Variants in UMOD observed in about 807,000 individuals in gnomAD.
The protein encoded by UMOD is uromodulin, also known as Tamm-Horsfall urinary glycoprotein.
In UMOD, 64 loss-of-function variants were observed where a neutral mutation model predicts 66.0. That is an observed-to-expected ratio of 0.97 (90% confidence interval 0.79 to 1.19). The LOEUF is 1.19. Ranked by LOEUF, UMOD falls within the 50% of genes most tolerant of loss-of-function variation. The probability of loss-of-function intolerance (pLI) is 0.00; values close to 1 mark genes in which losing one functional copy is unlikely to be tolerated. For synonymous variants in UMOD, 398 were observed against 352.7 expected, an observed-to-expected ratio of 1.13 and a Z score of -1.44; for missense variants, 764 against 850.9, an observed-to-expected ratio of 0.90 and a Z score of 1.27.
chr16:20,351,781 G>A (rs1965906202), intron 1 of UMOD, among the ~76,000 whole-genome samples: 1 of 152,074 alleles, frequency 6.6e-6, no homozygotes, highest in South Asian at 2.1e-4. Context: ...AACACTTTGG[G>A]AGACTGAGGG....
chr16:20,334,026 C>T (rs536305919), intron 10 of UMOD, among the ~76,000 whole-genome samples: 1 of 121,906 alleles, frequency 8.2e-6, no homozygotes, highest in East Asian at 3.2e-4. Context: ...AGAGCAGATT[C>T]CATCTCAAAA....
chr16:20,352,985 T>C, upstream of UMOD: 1 of 355,234 alleles, frequency 2.8e-6, no homozygotes, highest in Non-Finnish European at 5.0e-6. Flanking sequence ...AGCAAGAGAT[T>C]CCATAGTTAG....
chr16:20,342,524 A>G (rs1965288574), intron 6 of UMOD: 1 of 152,228 alleles, frequency 6.6e-6, no homozygotes, highest in African/African-American at 2.4e-5. Context: ...GTGCACCCTC[A>G]TCAGTGCCCA....
rs1186875181 is a variant in UMOD, at chr16:20,341,009, AG to A, written c.1577+81del. 1,776 of 1,347,366 alleles carry A rather than the reference AG, an allele frequency of 1.3e-3. 4 individuals carry two copies. Among genetic ancestry groups the A allele is most frequent in the South Asian group, 0.012 (885 of 73,342 alleles). The allele number at this position is 1,347,366 out of a possible 1,614,324, so 83.5% of individuals were successfully genotyped here. ...ACTCTGTCAAAAAAAAAAAAAAAAA[AG>A]ATGCAATTTTCCTCCATCCAAGTCC... On this transcript the variant is annotated intron_variant, in intron 7 of 10. Coordinates refer to ENST00000396138, the MANE Select transcript of UMOD (RefSeq NM_003361.4).
intron 10 of UMOD, among the ~76,000 whole-genome samples, chr16:20,333,655 G>A (rs1289316543): frequency 6.6e-6 from 1 of 152,192 alleles, no homozygotes; most frequent in Non-Finnish European, 1.5e-5. Context: ...GACCTTGGGG[G>A]ATAGTCACAG....
At chr16:20,342,479 C>T (rs1352444463) in intron 6 of UMOD, 1 of 152,336 alleles carries the variant, frequency 6.6e-6, no homozygotes, top group Non-Finnish European at 1.5e-5. Context: ...CAGCCAACAG[C>T]TTGCAATGAG....
In UMOD at chr16:20,348,323, G is replaced by T; in HGVS notation, c.873C>A (p.Ser291Arg). 1.9e-6 allele frequency: 3 copies of T among 1,614,212 alleles called. No homozygotes were observed. Among genetic ancestry groups the T allele is most frequent in the Non-Finnish European group, 2.5e-6 (3 of 1,180,048 alleles). The change falls in exon 4 of 11, where the codon AGC (serine) becomes AGA (arginine). Residue 291 changes from serine (S) to arginine (R), a missense_variant. Ser to Arg is a moderately radical substitution (Grantham distance 110). Transcript: ENST00000396138. ...ECHLAYCTDPSSVEGTCEECS... is the reference protein window; with the variant it reads ...ECHLAYCTDPRSVEGTCEECS... ...ACTCCTCACACGTCCCCTCCACGGA[G>T]CTGGGGTCTGCAGGGTCACAGGGAC...
At position 20,348,277 on chromosome 16, in the gene UMOD, T is replaced by A. The variant is rs749163430; in HGVS notation, c.919A>T (p.Lys307Ter). ...CAGTGCCATCTGCCATTATTCGATT[T>A]GCAGTCCTCGTCTATACTGCACTCC... ...CEECSIDEDC[K>*]SNNGRWHCQC... The change falls in exon 4 of 11, where the codon AAA becomes TAA. Residue 307 changes from lysine (K) to a stop codon, truncating the protein, a stop_gained. Transcript: ENST00000396138. LOFTEE classifies it high-confidence loss of function. 1 of 1,614,230 alleles carries A rather than the reference T, an allele frequency of 6.2e-7. No individual in the cohort carries two copies. Among genetic ancestry groups the A allele is most frequent in the South Asian group, 1.1e-5 (1 of 91,082 alleles).
intron 9 of UMOD, 117 bp from the exon 10 acceptor site, chr16:20,335,637 C>T: frequency 1.0e-6 from 1 of 995,956 alleles, no homozygotes; most frequent in South Asian, 1.4e-5. Flanking sequence ...CTCTTCAAAA[C>T]CCAAATCTGA....
chr16:20,337,345 G>C lies in UMOD; in HGVS notation c.1686C>G (p.Val562=), dbSNP rs1248924317. The change falls in exon 8 of 11, where the codon GTC becomes GTG. Residue 562 remains valine, a synonymous_variant. Transcript: ENST00000396138. ...MFRFAGNYDL[V]YLHCEVYLCD... The stretch of plus-strand genomic sequence containing the variant: ...AGAGATAGACTTCACAGTGCAGGTA[G>C]ACTAGGTCATAGTTTCCAGCAAACC... 1.2e-6 allele frequency: 2 copies of C among 1,614,104 alleles called. No individual in the cohort carries two copies. Among genetic ancestry groups the C allele is most frequent in the African/African-American group, 2.7e-5 (2 of 74,926 alleles).
At position 20,333,184 on chromosome 16, in the gene UMOD, G is replaced by A. The variant is rs113468667; in HGVS notation, c.*130C>T. ...GTTTCTCGACAGCCAGGATTAAAAG[G>A]GAGAAAAGAAGGCAGGCTGAACAAA... On this transcript the variant is annotated 3_prime_UTR_variant, in exon 11 of 11. Coordinates refer to ENST00000396138, the MANE Select transcript of UMOD (RefSeq NM_003361.4). 3.7e-3 allele frequency: 3,555 copies of A among 953,644 alleles called. 84 individuals carry two copies. The African/African-American group carries it at 0.051, about 14-fold the overall frequency. 59.1% of individuals were successfully genotyped at this position (953,644 alleles called of 1,614,324 possible). A position where few individuals can be genotyped will look rare whatever the true frequency, so the allele number is the denominator to read the frequency against.
At chr16:20,351,427 G>T (rs569708681) in intron 1 of UMOD, 188 of 161,006 alleles carry the variant, frequency 1.2e-3, no homozygotes, top group Middle Eastern at 6.6e-3. Context: ...GTCCAGGGTG[G>T]ATGCCAGTAT....
chr16:20,348,375 C>G, intron 3 of UMOD, 45 bp from the exon 4 acceptor site: 1 of 1,613,704 alleles, frequency 6.2e-7, no homozygotes, highest in Non-Finnish European at 8.5e-7. Context: ...AGGACGCACC[C>G]CCGTCCTCTG....
Position 20,337,313 on chromosome 16 carries a change from G to T in UMOD, c.1718C>A (p.Thr573Asn). Residue 573 changes from threonine (T) to asparagine (N), a missense_variant, in exon 8 of 11, where the codon ACC becomes AAC. Transcript: ENST00000396138. Reference sequence around the variant, plus strand: ...CACAGGCTTGCACTTTTCATTCATGGTGTCACAGAGATAGACTTCACAGTG... The same window carrying T: ...CACAGGCTTGCACTTTTCATTCATGTTGTCACAGAGATAGACTTCACAGTG... ...YLHCEVYLCD[T>N]MNEKCKPTCS... The T allele has an allele frequency of 6.2e-7, 1 of 1,614,158 alleles. No homozygotes were observed. Among genetic ancestry groups the T allele is most frequent in the Non-Finnish European group, 8.5e-7 (1 of 1,180,024 alleles).
At chr16:20,339,829 A>C (rs1965086951) in intron 7 of UMOD, among the ~76,000 whole-genome samples, 1 of 152,216 alleles carries the variant, frequency 6.6e-6, no homozygotes. Flanking sequence ...TTTACTGTGA[A>C]ATCCACAGAG....
At chr16:20,355,378 C>T (rs1414211305), upstream of UMOD, among the ~76,000 whole-genome samples, 1 of 151,496 alleles carries the variant, frequency 6.6e-6, no homozygotes, top group Non-Finnish European at 1.5e-5. Flanking sequence ...GCTCTTGAAA[C>T]ACTCTTCTTT....
chr16:20,333,513 C>T (rs1435854055), intron 10 of UMOD, 138 bp from the exon 11 acceptor site: 3 of 798,480 alleles, frequency 3.8e-6, no homozygotes, highest in African/African-American at 1.7e-5. Flanking sequence ...AGGAAGCTTC[C>T]TCCTTATCTG....
chr16:20,351,204 T>C, intron 1 of UMOD: 1 of 250,914 alleles, frequency 4.0e-6, no homozygotes, highest in Non-Finnish European at 7.8e-6. Flanking sequence ...GATCACTTAT[T>C]CATTCAACAA....
In UMOD at chr16:20,345,404, C is replaced by T. The variant is rs866188932; in HGVS notation, c.1182+722G>A. 9.6e-4 allele frequency among the ~76,000 whole-genome samples: 93 copies of T among 97,342 alleles called. 1 individual carries two copies. The highest frequency in any genetic ancestry group is 4.3e-3 in the African/African-American group (65 of 15,016). The allele number at this position is 97,342 out of a possible 152,430, so 63.9% of individuals were successfully genotyped here. On this transcript the variant is annotated intron_variant, in intron 5 of 10. Transcript: ENST00000396138. ...TCCTTCCTTTCTTTTCTTTTTTTTT[C>T]TTTCTTTCTTTCTTTCTTTCTTTCT... is the stretch of plus-strand genomic sequence containing the variant.
Sources: allele counts gnomAD v4.1 joint callset (sites outside exome capture counted in the v4.1 genomes callset), GRCh38; gene constraint gnomAD v4.1.1; transcripts MANE v1.5; gene names NCBI Gene and HGNC (gene_info 2026-07-23, HGNC 2026-07-21).